LYN: variants seen among roughly 807,000 people sequenced by gnomAD.
The protein encoded by LYN is LYN proto-oncogene, Src family tyrosine kinase.
Under a neutral mutation model 65.0 loss-of-function variants are expected in LYN, and 12 were observed. The ratio of observed to expected loss-of-function variants is 0.18; its 90% confidence interval spans 0.12 to 0.30. LYN has a LOEUF of 0.30. Ranked by LOEUF, LYN falls within the 10% of genes least tolerant of loss-of-function variation. The probability of loss-of-function intolerance (pLI) is 1.00; values close to 1 mark genes in which losing one functional copy is unlikely to be tolerated. For missense variants in LYN, 380 were observed against 623.2 expected (o/e 0.61, Z 4.16); for synonymous variants, 222 against 221.2 (o/e 1.00, Z -0.03).
chr8:55,916,028 A>G lies in LYN; in HGVS notation c.-5-25827A>G, dbSNP rs191940709. Among the ~76,000 whole-genome samples, 4 of 152,372 alleles carry G rather than the reference A, an allele frequency of 2.6e-5. No homozygotes were observed. In the East Asian group the frequency reaches 7.7e-4, roughly 29 times the overall value. ...AAAGGGTAGCCATTGTTTTAAAAGCATATAAAATAATGGTATAAAAATTAG... is the reference window on the plus strand; with the variant it reads ...AAAGGGTAGCCATTGTTTTAAAAGCGTATAAAATAATGGTATAAAAATTAG... On this transcript the variant is annotated intron_variant, in intron 1 of 12. Transcript: ENST00000519728.
intron 8 of LYN, among the ~76,000 whole-genome samples, chr8:55,962,224 C>T (rs1402812880): frequency 6.6e-6 from 1 of 152,004 alleles, no homozygotes; most frequent in Non-Finnish European, 1.5e-5. Context: ...TGGTGAAATG[C>T]ATCCATGCTT....
At position 55,951,954 on chromosome 8, in the gene LYN, T is replaced by C. The variant is rs529175955; in HGVS notation, c.488-12T>C. On this transcript the variant is annotated splice_polypyrimidine_tract_variant and intron_variant, in intron 6 of 12. Coordinates refer to ENST00000519728, the MANE Select transcript of LYN (RefSeq NM_002350.4). ...GAGATATAAACATTTACTTACACTT[T>C]TCCCCCCATAGGAAGCTTCTCTCTG... 2 of 1,608,296 alleles carry C rather than the reference T, an allele frequency of 1.2e-6. No homozygotes were observed. The highest frequency in any genetic ancestry group is 2.2e-5 in the East Asian group (1 of 44,766).
At chr8:55,989,199 T>C (rs555777590) in intron 10 of LYN, among the ~76,000 whole-genome samples, 6 of 152,236 alleles carry the variant, frequency 3.9e-5, no homozygotes, top group Admixed American at 2.0e-4. Context: ...GATGCTGGGG[T>C]TGACAGACTT....
chr8:55,930,364 G>C (rs1806225724), intron 1 of LYN, among the ~76,000 whole-genome samples: 1 of 152,266 alleles, frequency 6.6e-6, no homozygotes, highest in Non-Finnish European at 1.5e-5. Context: ...AACTCTTAAA[G>C]TGGGACATAA....
At chr8:55,912,452 A>T (rs1163071023) in intron 1 of LYN, among the ~76,000 whole-genome samples, 1 of 152,230 alleles carries the variant, frequency 6.6e-6, no homozygotes, top group Non-Finnish European at 1.5e-5. Flanking sequence ...TTGGCTGGGC[A>T]TGGTGGCTTA....
At chr8:55,949,923 CA>C (rs1806894977) in intron 4 of LYN, among the ~76,000 whole-genome samples, 1 of 152,208 alleles carries the variant, frequency 6.6e-6, no homozygotes, top group Non-Finnish European at 1.5e-5. Context: ...GCTGTCACCT[CA>C]ACTCTCCCAT....
At chr8:55,887,603 C>CACACAT (rs775901867) in intron 1 of LYN, among the ~76,000 whole-genome samples, 5,361 of 111,780 alleles carry the variant, frequency 0.048, 149 homozygotes, top group Middle Eastern at 0.058. Flanking sequence ...CACACACACA[C>CACACAT]ATATATATAT....
rs1807152489 is a variant in LYN at position 55,957,391 on chromosome 8, GGC to G, written c.790+3408_790+3409del. ...TTAGACTTTCCTATGGATATTTGCTGGCAAAGGAATTAACGTGTCTGTCATGA... is the reference window on the plus strand; with the variant it reads ...TTAGACTTTCCTATGGATATTTGCTGAAAGGAATTAACGTGTCTGTCATGA... On this transcript the variant is annotated intron_variant, in intron 8 of 12. Transcript: ENST00000519728. Among the ~76,000 whole-genome samples, 4 of 152,314 alleles carry G rather than the reference GGC, an allele frequency of 2.6e-5. No individual in the cohort carries two copies. The South Asian group carries it at 6.2e-4, about 24-fold the overall frequency.
In LYN at chr8:55,942,019, C is replaced by G. The variant is rs765602172; in HGVS notation, c.132+28C>G. On this transcript the variant is annotated intron_variant, in intron 2 of 12. Coordinates refer to ENST00000519728, the MANE Select transcript of LYN (RefSeq NM_002350.4). ...AAGTAGATAGTCTCAGGGGAGAATT[C>G]CCACAGCAAGATCAAAGCATGGCTA... 2.5e-6 allele frequency: 4 copies of G among 1,610,414 alleles called. No individual in the cohort carries two copies. The Admixed American group carries it at 6.7e-5, about 27-fold the overall frequency.
chr8:55,922,623 C>T (rs1472573244), intron 1 of LYN, among the ~76,000 whole-genome samples: 3 of 151,916 alleles, frequency 2.0e-5, no homozygotes, highest in African/African-American at 7.3e-5. Context: ...CAAAATTAGC[C>T]GGGAGTGGTG....
chr8:55,999,275 G>A (rs757498066), intron 11 of LYN, 143 bp from the exon 12 acceptor site: 4 of 643,014 alleles, frequency 6.2e-6, no homozygotes, highest in South Asian at 2.0e-5. Flanking sequence ...AGCCGAGATC[G>A]CATCATTACA....
intron 1 of LYN, among the ~76,000 whole-genome samples, chr8:55,883,723 C>T (rs531678764): frequency 6.6e-6 from 1 of 152,250 alleles, no homozygotes; most frequent in Non-Finnish European, 1.5e-5. Context: ...GCTCATAGGA[C>T]GCACATTAAA....
chr8:55,984,903 A>G (rs1386247380), intron 10 of LYN, among the ~76,000 whole-genome samples: 3 of 152,142 alleles, frequency 2.0e-5, no homozygotes, highest in African/African-American at 7.2e-5. Flanking sequence ...TTGGAAATCT[A>G]TGTTTCAGGG....
intron 10 of LYN, among the ~76,000 whole-genome samples, chr8:55,970,544 T>G (rs1370292140): frequency 1.3e-5 from 2 of 152,046 alleles, no homozygotes; most frequent in Admixed American, 1.3e-4. Flanking sequence ...TGAAGCCCAG[T>G]GTATGTAGCA....
chr8:55,962,355 CTGTGCTTTTGCG>C (rs1807310543), intron 8 of LYN, among the ~76,000 whole-genome samples: 1 of 150,336 alleles, frequency 6.7e-6, no homozygotes, highest in Middle Eastern at 3.5e-3. Flanking sequence ...TGAGATGCAT[CTGTGCTTTTGCG>C]TGTGGCTACA....
chr8:55,889,115 C>G (rs1197587173), intron 1 of LYN, among the ~76,000 whole-genome samples: 1 of 152,124 alleles, frequency 6.6e-6, no homozygotes, highest in Non-Finnish European at 1.5e-5. Context: ...CCTCCCAGGC[C>G]CAAGCCATCC....
intron 1 of LYN, among the ~76,000 whole-genome samples, chr8:55,911,696 T>A (rs1378442572): frequency 6.6e-6 from 1 of 152,080 alleles, no homozygotes. Context: ...GCACCTGCCC[T>A]GGAGACTGAG....
intron 1 of LYN, among the ~76,000 whole-genome samples, chr8:55,911,791 G>T (rs1805646916): frequency 6.6e-6 from 1 of 152,120 alleles, no homozygotes; most frequent in Non-Finnish European, 1.5e-5. Flanking sequence ...TTTGAAGATT[G>T]AGAAACAGAG....
chr8:55,999,697 C>T, intron 12 of LYN, 148 bp downstream of exon 12: 1 of 852,436 alleles, frequency 1.2e-6, no homozygotes, highest in Non-Finnish European at 1.8e-6. Flanking sequence ...ACGGGCTGGG[C>T]ATGGTGGCTC....
Sources: allele counts gnomAD v4.1 joint callset (sites outside exome capture counted in the v4.1 genomes callset), GRCh38; gene constraint gnomAD v4.1.1; transcripts MANE v1.5; gene names NCBI Gene and HGNC (gene_info 2026-07-23, HGNC 2026-07-21).